RASA3: variants seen among roughly 807,000 people sequenced by gnomAD.
RASA3 encodes ras GTPase-activating protein 3.
A neutral mutation model predicts 110.0 loss-of-function variants in RASA3; 73 were observed. That is an observed-to-expected ratio of 0.66 (90% CI 0.55 to 0.81). RASA3 has a LOEUF of 0.81. Among genes scored for constraint, RASA3 ranks in the 30% least tolerant of loss-of-function variants. The pLI is 0.00. For synonymous variants in RASA3, 500 were observed against 451.4 expected, an observed-to-expected ratio of 1.11 and a Z score of -1.37; for missense variants, 976 against 1,113.2, an observed-to-expected ratio of 0.88 and a Z score of 1.75.
intron 1 of RASA3, among the ~76,000 whole-genome samples, chr13:114,098,347 C>T (rs993179210): frequency 1.7e-4 from 26 of 152,264 alleles, no homozygotes; most frequent in Admixed American, 4.6e-4. Flanking sequence ...GGTCAGCAGG[C>T]GCTAAGGATC....
intron 1 of RASA3, among the ~76,000 whole-genome samples, chr13:114,079,823 G>A (rs147884435): frequency 2.1e-4 from 32 of 152,232 alleles, no homozygotes; most frequent in African/African-American, 6.0e-4. Context: ...CTGAGTGCCC[G>A]TCCGCACTGG....
chr13:114,021,282 G>A (rs2053922499), intron 9 of RASA3, 122 bp downstream of exon 9: 2 of 775,466 alleles, frequency 2.6e-6, no homozygotes, highest in Non-Finnish European at 4.3e-6. Flanking sequence ...AGTAAGAGCA[G>A]GTGGGTGCTG....
chr13:114,038,316 C>T (rs2054320944), intron 4 of RASA3, among the ~76,000 whole-genome samples: 1 of 152,268 alleles, frequency 6.6e-6, no homozygotes. Context: ...CCCCGCCTTT[C>T]TGCCGGGACG....
chr13:114,131,807 C>T (rs1391326573), intron 1 of RASA3, among the ~76,000 whole-genome samples: 3 of 151,962 alleles, frequency 2.0e-5, no homozygotes, highest in Non-Finnish European at 2.9e-5. Context: ...AATACGCACC[C>T]ACACATGCAC....
chr13:114,073,880 G>A, intron 1 of RASA3, 43 bp from the exon 2 acceptor site: 1 of 1,480,132 alleles, frequency 6.8e-7, no homozygotes. Flanking sequence ...GCGTAGAAAT[G>A]TTTGTTCCCT....
intron 1 of RASA3, among the ~76,000 whole-genome samples, chr13:114,100,836 C>T (rs1359469048): frequency 1.3e-5 from 2 of 152,258 alleles, no homozygotes; most frequent in African/African-American, 2.4e-5. Flanking sequence ...TCTGTGTTCT[C>T]GCCACCTGGA....
At chr13:113,997,625 G>A (rs1490809024) in intron 20 of RASA3, among the ~76,000 whole-genome samples, 2 of 152,052 alleles carry the variant, frequency 1.3e-5, no homozygotes, top group African/African-American at 2.4e-5. Context: ...GGGCAGGGGG[G>A]ACAGATATCC....
At chr13:113,994,152 A>G (rs2053183148) in intron 21 of RASA3, among the ~76,000 whole-genome samples, 1 of 152,240 alleles carries the variant, frequency 6.6e-6, no homozygotes, top group Non-Finnish European at 1.5e-5. Flanking sequence ...TGTTTGAAGT[A>G]TGACAGTTTT....
chr13:114,030,442 A>ACAGGAGGCAAGACTCACG (rs1566501597), intron 4 of RASA3, among the ~76,000 whole-genome samples: 34 of 113,210 alleles, frequency 3.0e-4, no homozygotes, highest in African/African-American at 9.8e-4. Flanking sequence ...CAAGGCTCAC[A>ACAGGAGGCAAGACTCACG]CAGAGGGCAA....
chr13:114,012,540 C>T (rs1299113636), intron 15 of RASA3, among the ~76,000 whole-genome samples: 3 of 149,258 alleles, frequency 2.0e-5, no homozygotes, highest in Non-Finnish European at 4.5e-5. Flanking sequence ...ACACACTCCT[C>T]ATTCCATGCA....
At chr13:114,027,747 C>T in intron 6 of RASA3, 100 bp downstream of exon 6, 1 of 1,249,924 alleles carries the variant, frequency 8.0e-7, no homozygotes, top group Non-Finnish European at 1.2e-6. Flanking sequence ...AAAGCGCAAC[C>T]TCCTGACTCC....
chr13:113,996,102 A>ATGGGGGG (rs2053250426), intron 21 of RASA3, among the ~76,000 whole-genome samples: 2 of 61,754 alleles, frequency 3.2e-5, no homozygotes, highest in South Asian at 6.3e-4. Flanking sequence ...GCTGATGGGG[A>ATGGGGGG]CCCGGCTGAT....
chr13:114,011,199 G>A lies in RASA3; in HGVS notation c.1562C>T (p.Thr521Ile). The change falls in exon 16 of 24, where the codon ACC becomes ATC. Residue 521 changes from threonine (T) to isoleucine (I), a missense_variant. Thr to Ile is a moderately conservative substitution (Grantham distance 89). This residue lies in a region of RASA3 where 732 missense variants were observed against 779.7 expected (regional missense o/e 0.94). Coordinates refer to ENST00000334062, the MANE Select transcript of RASA3 (RefSeq NM_007368.4). The surrounding 1 kb of genome is among the most constrained non-coding windows in gnomAD (Gnocchi z 4.8). ...TLTLISKTVQ[T>I]LGSLSKSKSA... ...TTTGGACTTGGACAGGCTGCCGAGG[G>A]TCTGAACGGTCTTGGAGATCAATGT... 1 of 1,613,044 alleles carries A rather than the reference G, an allele frequency of 6.2e-7. No individual in the cohort carries two copies. Among genetic ancestry groups the A allele is most frequent in the Non-Finnish European group, 8.5e-7 (1 of 1,179,704 alleles).
chr13:113,979,635 T>G (rs989094619), intron 23 of RASA3, among the ~76,000 whole-genome samples: 1 of 152,200 alleles, frequency 6.6e-6, no homozygotes, highest in African/African-American at 2.4e-5. Flanking sequence ...CAAGTACATG[T>G]GCACGTGTGC....
At position 114,056,446 on chromosome 13, in the gene RASA3, C is replaced by T. The variant is rs536817832; in HGVS notation, c.174-4291G>A. 705 of 985,400 alleles carry T rather than the reference C, an allele frequency of 7.2e-4. No individual in the cohort carries two copies. The highest frequency in any genetic ancestry group is 8.2e-4 in the Non-Finnish European group (683 of 829,910). 61.0% of individuals were successfully genotyped at this position (985,400 alleles called of 1,614,324 possible). On this transcript the variant is annotated intron_variant, in intron 2 of 23. Transcript: ENST00000334062. The surrounding 1 kb of genome is among the most constrained non-coding windows in gnomAD (Gnocchi z 5.7). ...CGAGGCACTCCAACATCTGATGAAA[C>T]GAAACTAACCCCAGGGCTTGGGCAG...
intron 16 of RASA3, 143 bp from the exon 17 acceptor site, chr13:114,009,607 G>A (rs1472640173): frequency 4.7e-6 from 3 of 632,694 alleles, no homozygotes; most frequent in African/African-American, 3.7e-5. Context: ...GCAAGTGAGA[G>A]CCCGCAGGGC....
In RASA3 at chr13:114,018,142, G is replaced by A. The variant is rs1007505742; in HGVS notation, c.1053C>T (p.Phe351=). ...CCTCCGCGCTGGCGATGGCACTGAT[G>A]AATGGCACCACCCTGCCATAGTGTA... ...LFLHYGRVVP[F]ISAIASAEVK... Residue 351 remains phenylalanine (F), a synonymous_variant, in exon 11 of 24, where the codon TTC becomes TTT. Transcript: ENST00000334062. 1.3e-6 allele frequency: 2 copies of A among 1,550,150 alleles called. No homozygotes were observed. The highest frequency in any genetic ancestry group is 2.4e-5 in the East Asian group (1 of 40,918).
chr13:114,026,196 C>T (rs1333947950), intron 7 of RASA3, among the ~76,000 whole-genome samples: 1 of 152,088 alleles, frequency 6.6e-6, no homozygotes, highest in East Asian at 1.9e-4. Flanking sequence ...CGTGTGTGGC[C>T]GGGCAGTGGG....
At chr13:114,080,507 C>G (rs956093901) in intron 1 of RASA3, among the ~76,000 whole-genome samples, 1 of 152,120 alleles carries the variant, frequency 6.6e-6, no homozygotes, top group African/African-American at 2.4e-5. Context: ...TGCTGAGGGG[C>G]GGGTGACCAG....
Sources: gnomAD v4.1 joint callset for allele counts (sites outside exome capture counted in the v4.1 genomes callset) on GRCh38, gnomAD v4.1.1 for gene constraint, gnomAD v4.1.1 regional missense constraint, Gnocchi (gnomAD v3.1) non-coding constraint, MANE v1.5 for transcripts, NCBI Gene and HGNC (gene_info 2026-07-23, HGNC 2026-07-21) for gene names.